ADAM32: variants seen among roughly 807,000 people sequenced by gnomAD.
ADAM32 encodes disintegrin and metalloproteinase domain-containing protein 32.
A neutral mutation model predicts 114.9 loss-of-function variants in ADAM32; 89 were observed. The ratio of observed to expected loss-of-function variants is 0.77; its 90% CI spans 0.65 to 0.92. The LOEUF (loss-of-function observed/expected upper bound fraction) is 0.92, where lower values mean the gene tolerates loss of function less well. ADAM32 is among the 40% of genes least tolerant of loss of function. The probability of loss-of-function intolerance (pLI) is 0.00; values close to 1 mark genes in which losing one functional copy is unlikely to be tolerated. For synonymous variants in ADAM32, 285 were observed against 307.5 expected (o/e 0.93, Z 0.77); for missense variants, 870 against 932.8 (o/e 0.93, Z 0.88).
intron 4 of ADAM32, among the ~76,000 whole-genome samples, chr8:39,147,770 C>G (rs1486422279): frequency 6.6e-6 from 1 of 151,728 alleles, no homozygotes; most frequent in East Asian, 1.9e-4. Context: ...TTTATTTATC[C>G]CTTTATTTTA....
At chr8:39,193,464 C>A (rs1050080578) in intron 11 of ADAM32, among the ~76,000 whole-genome samples, 3 of 152,154 alleles carry the variant, frequency 2.0e-5, no homozygotes, top group African/African-American at 7.2e-5. Context: ...TCTCAATGAT[C>A]TTCATTCCTA....
intron 3 of ADAM32, among the ~76,000 whole-genome samples, chr8:39,139,655 C>T (rs549458109): frequency 3.9e-5 from 6 of 152,214 alleles, no homozygotes; most frequent in Middle Eastern, 3.4e-3. Context: ...CTTGGCAATG[C>T]GGGCTCTTTT....
chr8:39,243,896 T>C (rs1422877126), intron 16 of ADAM32, among the ~76,000 whole-genome samples: 2 of 151,974 alleles, frequency 1.3e-5, no homozygotes, highest in Admixed American at 1.3e-4. Flanking sequence ...TAAAGACTCA[T>C]CAAAAAAGCT....
At chr8:39,194,590 TCAGATG>T (rs889256043) in intron 11 of ADAM32, among the ~76,000 whole-genome samples, 14 of 152,208 alleles carry the variant, frequency 9.2e-5, no homozygotes, top group African/African-American at 1.4e-4. Flanking sequence ...GCTCTGCTGG[TCAGATG>T]CAGTCCACCA....
chr8:39,145,234 T>A (rs4527834), intron 3 of ADAM32, among the ~76,000 whole-genome samples: 78,339 of 151,992 alleles, frequency 0.52, 21,299 homozygotes, highest in Non-Finnish European at 0.6. Context: ...ACTGTCCAAA[T>A]TGATACACAA....
chr8:39,234,175 T>C (rs1013503229), intron 16 of ADAM32, 93 bp downstream of exon 16: 80 of 939,560 alleles, frequency 8.5e-5, no homozygotes, highest in Non-Finnish European at 1.1e-4. Context: ...GTGCTAGTAT[T>C]AGGTAATCTT....
intron 10 of ADAM32, among the ~76,000 whole-genome samples, chr8:39,170,557 A>C (rs1805124900): frequency 6.6e-6 from 1 of 152,040 alleles, no homozygotes; most frequent in African/African-American, 2.4e-5. Flanking sequence ...TTTTAAAAAA[A>C]CAAGTTTAAG....
chr8:39,274,756 T>A (rs1812969772), intron 21 of ADAM32, among the ~76,000 whole-genome samples: 1 of 152,226 alleles, frequency 6.6e-6, no homozygotes, highest in Admixed American at 6.5e-5. Flanking sequence ...TGAAAATTCC[T>A]ACAGCCTAGT....
intron 16 of ADAM32, among the ~76,000 whole-genome samples, chr8:39,237,647 G>T (rs1810263453): frequency 6.6e-6 from 1 of 152,206 alleles, no homozygotes; most frequent in Admixed American, 6.5e-5. Context: ...AAGCAGCAGA[G>T]GCAGCCATGA....
At chr8:39,204,673 A>G (rs1338698343) in intron 11 of ADAM32, among the ~76,000 whole-genome samples, 1 of 152,110 alleles carries the variant, frequency 6.6e-6, no homozygotes, top group Admixed American at 6.5e-5. Context: ...GCTGGCGAGG[A>G]GCTGTGTTCC....
At chr8:39,199,790 G>C (rs1373279384) in intron 11 of ADAM32, among the ~76,000 whole-genome samples, 3 of 108,596 alleles carry the variant, frequency 2.8e-5, no homozygotes, top group Admixed American at 1.3e-4. Flanking sequence ...CCCCACAACA[G>C]GCACCGGTGT....
chr8:39,281,413 A>G (rs1206049222), intron 23 of ADAM32, among the ~76,000 whole-genome samples: 1 of 152,224 alleles, frequency 6.6e-6, no homozygotes, highest in African/African-American at 2.4e-5. Context: ...ATAAGAAATA[A>G]GCTAGTGAAA....
chr8:39,156,500 C>T (rs1186476975), intron 6 of ADAM32, among the ~76,000 whole-genome samples: 1 of 152,130 alleles, frequency 6.6e-6, no homozygotes, highest in Non-Finnish European at 1.5e-5. Flanking sequence ...TTTTTAATTT[C>T]TTTTATTGCT....
At chr8:39,121,011 A>G (rs988137767) in intron 2 of ADAM32, among the ~76,000 whole-genome samples, 2 of 152,202 alleles carry the variant, frequency 1.3e-5, no homozygotes, top group Admixed American at 1.3e-4. Flanking sequence ...GCAAAATGCA[A>G]GAGAAGAGAG....
intron 14 of ADAM32, among the ~76,000 whole-genome samples, chr8:39,231,174 GA>G (rs1488707781): frequency 6.6e-6 from 1 of 152,152 alleles, no homozygotes; most frequent in East Asian, 1.9e-4. Context: ...GAGTGCACCT[GA>G]ACTAATCATG....
Position 39,246,154 on chromosome 8 carries a change from T to C in ADAM32, c.1890T>C (p.Cys630=), listed in dbSNP as rs1325592400. The C allele has an allele frequency of 6.8e-6, 11 of 1,613,018 alleles. No homozygotes were observed. Among genetic ancestry groups the C allele is most frequent in the Non-Finnish European group, 9.3e-6 (11 of 1,179,258 alleles). The part of the protein sequence containing the change: ...KASAHVCSQQ[C]SGHGVCDSRN... ...CAGCACATGTTTGTTCACAACAGTG[T>C]TCTGGACATGGAGTAAGTAACCACA... is the stretch of plus-strand genomic sequence containing the variant. Residue 630 remains cysteine, a synonymous_variant, in exon 17 of 25, where the codon TGT becomes TGC. Coordinates refer to ENST00000379907, the MANE Select transcript of ADAM32 (RefSeq NM_145004.7).
intron 6 of ADAM32, chr8:39,157,544 T>C: frequency 2.0e-6 from 1 of 495,340 alleles, no homozygotes; most frequent in South Asian, 1.6e-5. Context: ...GGCATTAAGC[T>C]CCTTCTTCCT....
rs548463394 is a variant in ADAM32, at chr8:39,190,905, C to T, written c.1052+3860C>T. On this transcript the variant is annotated intron_variant, in intron 11 of 24. Coordinates refer to ENST00000379907, the MANE Select transcript of ADAM32 (RefSeq NM_145004.7). Reference sequence around the variant, plus strand: ...TACCCAATAGTTTTTTTCTGATCCTCTCCCTCCTCCCACCTTCCACCCTCA... The same window carrying T: ...TACCCAATAGTTTTTTTCTGATCCTTTCCCTCCTCCCACCTTCCACCCTCA... Among the ~76,000 whole-genome samples the T allele has an allele frequency of 2.6e-5, 4 of 152,264 alleles. No individual in the cohort carries two copies. In the South Asian group the frequency reaches 8.3e-4, roughly 32 times the overall value.
intron 14 of ADAM32, among the ~76,000 whole-genome samples, chr8:39,226,367 A>G (rs530637979): frequency 2.0e-5 from 3 of 152,284 alleles, no homozygotes; most frequent in Non-Finnish European, 1.5e-5. Context: ...TAGGAAAGAT[A>G]TAAGTGTGCA....
Sources: gnomAD v4.1 joint callset for allele counts (sites outside exome capture counted in the v4.1 genomes callset) on GRCh38, gnomAD v4.1.1 for gene constraint, MANE v1.5 for transcripts, NCBI Gene and HGNC (gene_info 2026-07-23, HGNC 2026-07-21) for gene names.